TENM4: variants seen among roughly 807,000 people sequenced by gnomAD.
The protein encoded by TENM4 is teneurin-4.
A neutral mutation model predicts 243.3 loss-of-function variants in TENM4; 82 were observed. The observed-to-expected ratio is 0.34, with a 90% CI of 0.28 to 0.40. The LOEUF (loss-of-function observed/expected upper bound fraction) is 0.40. Ranked by LOEUF, TENM4 falls within the 10% of genes least tolerant of loss-of-function variation. The pLI is 1.00. For synonymous variants in TENM4, 1,412 were observed against 1,456.3 expected, an observed-to-expected ratio of 0.97 and a Z score of 0.69; for missense variants, 3,138 against 3,673.3, an observed-to-expected ratio of 0.85 and a Z score of 3.77.
intron 18 of TENM4, among the ~76,000 whole-genome samples, chr11:78,761,975 G>A (rs1856439876): frequency 6.6e-6 from 1 of 152,144 alleles, no homozygotes; most frequent in South Asian, 2.1e-4. Context: ...TGGCCCATCA[G>A]CTTCATCTTG....
At chr11:79,232,900 C>T (rs1443070299) in intron 2 of TENM4, among the ~76,000 whole-genome samples, 1 of 152,186 alleles carries the variant, frequency 6.6e-6, no homozygotes. Context: ...CATGGCACTC[C>T]CTTGGTTAAA....
chr11:78,982,700 C>T (rs1857828231), intron 6 of TENM4, among the ~76,000 whole-genome samples: 1 of 152,214 alleles, frequency 6.6e-6, no homozygotes, highest in South Asian at 2.1e-4. Context: ...GCACATCCCT[C>T]AGAAGGGCTT....
chr11:78,677,236 GA>G (rs1196670501), intron 29 of TENM4, among the ~76,000 whole-genome samples: 1 of 144,866 alleles, frequency 6.9e-6, no homozygotes, highest in African/African-American at 2.5e-5. Flanking sequence ...GATTACTAGA[GA>G]AAAGGGTTGA....
chr11:79,010,208 C>T (rs181448584), intron 6 of TENM4, among the ~76,000 whole-genome samples: 1 of 152,284 alleles, frequency 6.6e-6, no homozygotes, highest in East Asian at 1.9e-4. Flanking sequence ...TCCTTACCTA[C>T]CTGGCTACCT....
intron 2 of TENM4, among the ~76,000 whole-genome samples, chr11:79,253,451 G>A (rs1208090536): frequency 1.3e-5 from 2 of 152,218 alleles, no homozygotes; most frequent in African/African-American, 2.4e-5. Context: ...GCATGCTGAT[G>A]ATCTTCATGG....
intron 3 of TENM4, among the ~76,000 whole-genome samples, chr11:79,212,190 G>T (rs1428880011): frequency 6.6e-6 from 1 of 152,186 alleles, no homozygotes; most frequent in South Asian, 2.1e-4. Context: ...TGGGTTCCCT[G>T]GCATGTAGCA....
chr11:78,735,887 T>C (rs1855778740), intron 20 of TENM4, among the ~76,000 whole-genome samples: 1 of 131,190 alleles, frequency 7.6e-6, no homozygotes, highest in African/African-American at 2.8e-5. Context: ...CCTTTCCCCC[T>C]TTCTCCCTTT....
chr11:79,008,515 T>C (rs1234656190), intron 6 of TENM4, among the ~76,000 whole-genome samples: 1 of 152,258 alleles, frequency 6.6e-6, no homozygotes, highest in East Asian at 1.9e-4. Context: ...ATAGCTATGA[T>C]ACAGTTTTAT....
intron 6 of TENM4, among the ~76,000 whole-genome samples, chr11:78,972,573 T>G (rs1259781793): frequency 6.6e-6 from 1 of 152,216 alleles, no homozygotes; most frequent in Non-Finnish European, 1.5e-5. Flanking sequence ...TTTAGGTTCC[T>G]CTGGTTTTCA....
At chr11:78,716,786 C>T (rs745726132) in intron 25 of TENM4, among the ~76,000 whole-genome samples, 3 of 152,248 alleles carry the variant, frequency 2.0e-5, no homozygotes, top group Non-Finnish European at 4.4e-5. Context: ...TGCTAAAATG[C>T]ACATTTCAAT....
At position 78,799,154 on chromosome 11, in the gene TENM4, G is replaced by C. The variant is rs1323425794; in HGVS notation, c.2179+6138C>G. Among the ~76,000 whole-genome samples, 27 of 152,200 alleles carry C rather than the reference G, an allele frequency of 1.8e-4. 1 individual carries two copies. The highest frequency in any genetic ancestry group is 1.7e-3 in the Admixed American group (26 of 15,282). ...GACCTCAGGAAGCTTGTGATGCTGA[G>C]AGGAGGCTGACCCTAACTCCCTTGT... is the stretch of plus-strand genomic sequence containing the variant. On this transcript the variant is annotated intron_variant, in intron 15 of 33. Coordinates refer to ENST00000278550, the MANE Select transcript of TENM4 (RefSeq NM_001098816.3).
intron 2 of TENM4, among the ~76,000 whole-genome samples, chr11:79,228,183 C>G (rs563085605): frequency 6.6e-6 from 1 of 152,288 alleles, no homozygotes; most frequent in South Asian, 2.1e-4. Flanking sequence ...CAAAGACTTG[C>G]AAGCTCTCCA....
intron 9 of TENM4, among the ~76,000 whole-genome samples, chr11:78,878,557 C>T (rs1241178125): frequency 6.6e-6 from 1 of 152,206 alleles, no homozygotes; most frequent in Non-Finnish European, 1.5e-5. Context: ...CAGCTCTCTT[C>T]AGGAATCCTT....
chr11:79,258,833 T>C (rs1855743714), intron 2 of TENM4, among the ~76,000 whole-genome samples: 1 of 152,222 alleles, frequency 6.6e-6, no homozygotes, highest in South Asian at 2.1e-4. Flanking sequence ...GTCTGTCATT[T>C]ATTCATGCAA....
At chr11:78,956,825 T>C (rs1857216476) in intron 6 of TENM4, among the ~76,000 whole-genome samples, 1 of 152,236 alleles carries the variant, frequency 6.6e-6, no homozygotes, top group South Asian at 2.1e-4. Flanking sequence ...TAAGTATTCA[T>C]GTTTCACGGC....
intron 19 of TENM4, chr11:78,749,373 T>TTC (rs61428352): frequency 6.6e-6 from 1 of 150,716 alleles, no homozygotes; most frequent in Non-Finnish European, 1.5e-5. Context: ...TTTTTTTTTT[T>TTC]AAACTGATGG....
At chr11:79,251,780 T>C (rs987692010) in intron 2 of TENM4, among the ~76,000 whole-genome samples, 27 of 150,656 alleles carry the variant, frequency 1.8e-4, no homozygotes, top group African/African-American at 6.4e-4. Context: ...AAATATAAGC[T>C]TGAAAAATAA....
rs572640684 is a variant in TENM4 at position 79,010,596 on chromosome 11, A to T, written c.493+54142T>A. On this transcript the variant is annotated intron_variant, in intron 6 of 33. Transcript: ENST00000278550. ...TGGAAAGCAAGGAGGAGCAAGTCAC[A>T]TCTTACATGGATGGTAGCAGGCAAA... is the stretch of plus-strand genomic sequence containing the variant. Among the ~76,000 whole-genome samples, 10 of 152,272 alleles carry T rather than the reference A, an allele frequency of 6.6e-5. No individual in the cohort carries two copies. The South Asian group carries it at 1.9e-3, about 28-fold the overall frequency.
chr11:79,031,373 A>G lies in TENM4; in HGVS notation c.493+33365T>C, dbSNP rs115677849. ...GGCTCATAGGCAACAGCTGCACCCA[A>G]CAGATGGTCCAGGCTAGGGTCTGAA... is the stretch of plus-strand genomic sequence containing the variant. On this transcript the variant is annotated intron_variant, in intron 6 of 33. Coordinates refer to ENST00000278550, the MANE Select transcript of TENM4 (RefSeq NM_001098816.3). Among the ~76,000 whole-genome samples, 346 of 152,316 alleles carry G rather than the reference A, an allele frequency of 2.3e-3. 2 individuals are homozygous for G. Among genetic ancestry groups the G allele is most frequent in the African/African-American group, 8.2e-3 (340 of 41,576 alleles).
Sources: allele counts gnomAD v4.1 joint callset (sites outside exome capture counted in the v4.1 genomes callset), GRCh38; gene constraint gnomAD v4.1.1; transcripts MANE v1.5; gene names NCBI Gene and HGNC (gene_info 2026-07-23, HGNC 2026-07-21).